The following PCED1B variants were observed in gnomAD, a reference collection of about 807,000 sequenced individuals.
The protein encoded by PCED1B is PC-esterase domain-containing protein 1B.
For synonymous variants in PCED1B, 251 were observed against 246.1 expected, an observed-to-expected ratio of 1.02 and a Z score of -0.19; for missense variants, 573 against 573.9, an observed-to-expected ratio of 1.00 and a Z score of 0.02.
At chr12:47,217,525 G>A (rs1489977068) in intron 3 of PCED1B, among the ~76,000 whole-genome samples, 1 of 117,186 alleles carries the variant, frequency 8.5e-6, no homozygotes, top group Non-Finnish European at 1.7e-5. Context: ...AGAAGAAAGA[G>A]AAAGAGAGAA....
At chr12:47,134,055 C>A (rs972567607) in intron 2 of PCED1B, among the ~76,000 whole-genome samples, 5 of 152,192 alleles carry the variant, frequency 3.3e-5, no homozygotes, top group African/African-American at 1.2e-4. Flanking sequence ...TTATAAGCCA[C>A]CCAGTCTATG....
intron 2 of PCED1B, among the ~76,000 whole-genome samples, chr12:47,197,812 TAGA>T (rs1942651988): frequency 6.6e-6 from 1 of 152,112 alleles, no homozygotes; most frequent in South Asian, 2.1e-4. Flanking sequence ...GACCATTTCC[TAGA>T]AGGACACAGT....
chr12:47,124,275 A>G (rs1186261841), intron 2 of PCED1B, among the ~76,000 whole-genome samples: 4 of 151,958 alleles, frequency 2.6e-5, no homozygotes, highest in Non-Finnish European at 5.9e-5. Context: ...ATCATATAAT[A>G]TGTACTCTTT....
chr12:47,082,980 C>A (rs1937814324), intron 1 of PCED1B, among the ~76,000 whole-genome samples: 1 of 149,760 alleles, frequency 6.7e-6, no homozygotes, highest in South Asian at 2.2e-4. Flanking sequence ...TGGCTTGACA[C>A]TTGACATAAT....
chr12:47,171,206 T>A (rs1941722707), intron 2 of PCED1B, among the ~76,000 whole-genome samples: 1 of 151,950 alleles, frequency 6.6e-6, no homozygotes, highest in Admixed American at 6.6e-5. Context: ...TAGCTAGGAT[T>A]ACAGGTATGC....
intron 2 of PCED1B, among the ~76,000 whole-genome samples, chr12:47,170,982 C>G (rs1031132843): frequency 1.3e-5 from 2 of 151,752 alleles, no homozygotes; most frequent in Non-Finnish European, 2.9e-5. Context: ...TCCTTTCAAC[C>G]AAATCACTCT....
intron 1 of PCED1B, among the ~76,000 whole-genome samples, chr12:47,103,476 C>T (rs962778078): frequency 1.3e-5 from 2 of 152,280 alleles, no homozygotes; most frequent in African/African-American, 2.4e-5. Flanking sequence ...AGTAGTAATT[C>T]GCAGCTATTT....
chr12:47,191,631 G>A (rs1942441848), intron 2 of PCED1B, among the ~76,000 whole-genome samples: 1 of 152,144 alleles, frequency 6.6e-6, no homozygotes, highest in South Asian at 2.1e-4. Flanking sequence ...TCATCATCCA[G>A]CCTTTGCCCT....
intron 1 of PCED1B, among the ~76,000 whole-genome samples, chr12:47,087,955 T>C (rs1056096245): frequency 3.9e-5 from 6 of 152,138 alleles, no homozygotes; most frequent in Non-Finnish European, 8.8e-5. Flanking sequence ...AAATAGAGTA[T>C]TGAATAAAGA....
At chr12:47,193,601 C>T (rs975429668) in intron 2 of PCED1B, among the ~76,000 whole-genome samples, 1 of 152,190 alleles carries the variant, frequency 6.6e-6, no homozygotes, top group African/African-American at 2.4e-5. Context: ...GCAAGTCTTA[C>T]AATTTCCCTC....
At chr12:47,142,025 C>G (rs1407743355) in intron 2 of PCED1B, among the ~76,000 whole-genome samples, 1 of 152,126 alleles carries the variant, frequency 6.6e-6, no homozygotes, top group Non-Finnish European at 1.5e-5. Flanking sequence ...GGAACCCTTG[C>G]AGAGACCCTC....
chr12:47,228,060 G>T (rs1212845694), intron 3 of PCED1B, among the ~76,000 whole-genome samples: 1 of 141,912 alleles, frequency 7.0e-6, no homozygotes, highest in Admixed American at 7.2e-5. Flanking sequence ...TTGAGACAAA[G>T]TCACACTCTG....
chr12:47,152,101 C>CTA (rs1319979984), intron 2 of PCED1B, among the ~76,000 whole-genome samples: 1 of 152,066 alleles, frequency 6.6e-6, no homozygotes, highest in Non-Finnish European at 1.5e-5. Context: ...TTGGTAAACA[C>CTA]TATAGTAATA....
intron 2 of PCED1B, among the ~76,000 whole-genome samples, chr12:47,160,483 A>G (rs1034212802): frequency 1.3e-5 from 2 of 150,836 alleles, no homozygotes; most frequent in African/African-American, 4.9e-5. Context: ...TTAAACAAAT[A>G]TTTTTGTAGA....
chr12:47,090,157 C>G (rs914682521), intron 1 of PCED1B, among the ~76,000 whole-genome samples: 9 of 152,170 alleles, frequency 5.9e-5, no homozygotes, highest in Non-Finnish European at 1.3e-4. Flanking sequence ...GATGATCTCT[C>G]CCTATTCCTT....
rs141692088 is a variant in PCED1B at position 47,204,081 on chromosome 12, A to G, written c.-525-12141A>G. Among the ~76,000 whole-genome samples the G allele has an allele frequency of 3.7e-3, 565 of 152,228 alleles. 2 individuals are homozygous for G. The highest frequency in any genetic ancestry group is 0.013 in the African/African-American group (536 of 41,524). On this transcript the variant is annotated intron_variant, in intron 2 of 3. Transcript: ENST00000546455. ...TACCTCAGCCTCCCAAGTAGCTGGG[A>G]CTACAGGCATGTGCCATCATGCCTG...
At chr12:47,233,356 A>T (rs536105456) in intron 3 of PCED1B, among the ~76,000 whole-genome samples, 161 of 151,952 alleles carry the variant, frequency 1.1e-3, no homozygotes, top group African/African-American at 3.1e-3. Flanking sequence ...GTAGCCAGAA[A>T]GGTCTCGATC....
intron 2 of PCED1B, among the ~76,000 whole-genome samples, chr12:47,160,192 T>C (rs1157550851): frequency 6.6e-6 from 1 of 152,182 alleles, no homozygotes; most frequent in Non-Finnish European, 1.5e-5. Flanking sequence ...GCATTGTTCT[T>C]TTTGCTTGCA....
At chr12:47,230,657 G>A (rs1471882740) in intron 3 of PCED1B, among the ~76,000 whole-genome samples, 4 of 151,718 alleles carry the variant, frequency 2.6e-5, no homozygotes, top group African/African-American at 9.7e-5. Context: ...GGCCAGGCTG[G>A]TCTTGAACTC....
Sources: allele counts gnomAD v4.1 joint callset (sites outside exome capture counted in the v4.1 genomes callset), GRCh38; gene constraint gnomAD v4.1.1; transcripts MANE v1.5; gene names NCBI Gene and HGNC (gene_info 2026-07-23, HGNC 2026-07-21).